RPF2: variants seen among roughly 807,000 people sequenced by gnomAD.
The protein encoded by RPF2 is ribosome production factor 2 homolog, also known as brix domain containing 1.
Under a neutral mutation model 38.9 loss-of-function variants are expected in RPF2, and 21 were observed. The observed-to-expected ratio is 0.54, with a 90% CI of 0.38 to 0.78. RPF2 has a LOEUF of 0.78. Among genes scored for constraint, RPF2 ranks in the 30% least tolerant of loss-of-function variants. The pLI, the probability that RPF2 is intolerant of heterozygous loss-of-function variation, is 0.00. For synonymous variants in RPF2, 121 were observed against 126.2 expected (o/e 0.96, Z 0.28); for missense variants, 314 against 358.1 (o/e 0.88, Z 0.99).
At chr6:110,990,937 A>G (rs891485733) in intron 3 of RPF2, among the ~76,000 whole-genome samples, 1 of 151,888 alleles carries the variant, frequency 6.6e-6, no homozygotes, top group Non-Finnish European at 1.5e-5. Context: ...GCACTTCCTT[A>G]CTTTCTAACA....
At chr6:111,010,783 G>A (rs1771999426) in intron 7 of RPF2, among the ~76,000 whole-genome samples, 1 of 152,036 alleles carries the variant, frequency 6.6e-6, no homozygotes, top group Non-Finnish European at 1.5e-5. Flanking sequence ...CAAAAAAACT[G>A]TGACAAATAC....
In RPF2 at chr6:110,991,398, CT is replaced by C. The variant is rs35689923; in HGVS notation, c.195-333del. On this transcript the variant is annotated intron_variant, in intron 3 of 9. Coordinates refer to ENST00000441448, the MANE Select transcript of RPF2 (RefSeq NM_032194.3). ...AAGCCACTGTGCTCGGCGCCCCCTG[CT>C]TTTTTTTTTTTTTTTAACACACTTT... 7.1e-3 allele frequency among the ~76,000 whole-genome samples: 966 copies of C among 135,434 alleles called. 4 individuals are homozygous for C. Among genetic ancestry groups the C allele is most frequent in the South Asian group, 0.033 (142 of 4,276 alleles). The allele number at this position is 135,434 out of a possible 152,430, so 88.8% of individuals were successfully genotyped here.
chr6:111,008,196 C>A, intron 7 of RPF2, 59 bp downstream of exon 7: 1 of 1,488,442 alleles, frequency 6.7e-7, no homozygotes, highest in Non-Finnish European at 8.9e-7. Context: ...CTCAGACTCT[C>A]ACTGGTGGCA....
intron 8 of RPF2, among the ~76,000 whole-genome samples, chr6:111,016,438 A>C (rs182408701): frequency 7.2e-5 from 11 of 152,196 alleles, no homozygotes; most frequent in Non-Finnish European, 1.0e-4. Flanking sequence ...ACTAAAAAAA[A>C]CCAGAAAAAT....
At chr6:111,008,202 TGGC>T (rs1771950755) in intron 7 of RPF2, 65 bp downstream of exon 7, 2 of 1,483,794 alleles carry the variant, frequency 1.3e-6, no homozygotes, top group Admixed American at 5.1e-5. Context: ...CTCTCACTGG[TGGC>T]ACTTTGCTAC....
At chr6:111,002,579 C>T (rs1369899410) in intron 6 of RPF2, among the ~76,000 whole-genome samples, 6 of 152,088 alleles carry the variant, frequency 3.9e-5, no homozygotes, top group Non-Finnish European at 8.8e-5. Context: ...GCGATCCTCC[C>T]GCCTTGGCCT....
rs547626079 is a variant in RPF2 at position 111,020,952 on chromosome 6, G to A, written c.597-3231G>A. 3.3e-5 allele frequency among the ~76,000 whole-genome samples: 5 copies of A among 152,240 alleles called. No individual in the cohort carries two copies. The East Asian group carries it at 5.8e-4, about 18-fold the overall frequency. On this transcript the variant is annotated intron_variant, in intron 8 of 9. Transcript: ENST00000441448. ...TGGGAGACTGAGGTGGGCAGATCAC[G>A]AGGTCAGGAGATCGAGACCATCCTG...
intron 8 of RPF2, among the ~76,000 whole-genome samples, chr6:111,017,332 G>C (rs1406432250): frequency 6.6e-6 from 1 of 151,188 alleles, no homozygotes; most frequent in Non-Finnish European, 1.5e-5. Context: ...CTCCCGGATG[G>C]GGCGGCTGGC....
chr6:110,997,279 C>T lies in RPF2; in HGVS notation c.316+15C>T. On this transcript the variant is annotated intron_variant, in intron 5 of 9. Coordinates refer to ENST00000441448, the MANE Select transcript of RPF2 (RefSeq NM_032194.3). ...TCTAGTAATAGGTAAGTATAATTTACTTTTTAATGTTTTCACTGATAGAGT... is the reference window on the plus strand; with the variant it reads ...TCTAGTAATAGGTAAGTATAATTTATTTTTTAATGTTTTCACTGATAGAGT... 3 of 1,474,380 alleles carry T rather than the reference C, an allele frequency of 2.0e-6. No individual in the cohort carries two copies. Among genetic ancestry groups the T allele is most frequent in the South Asian group, 1.2e-5 (1 of 86,460 alleles). The allele number at this position is 1,474,380 out of a possible 1,614,324, so 91.3% of individuals were successfully genotyped here.
chr6:110,995,046 A>C (rs1038095599), intron 4 of RPF2, among the ~76,000 whole-genome samples: 1 of 151,820 alleles, frequency 6.6e-6, no homozygotes, highest in Non-Finnish European at 1.5e-5. Context: ...CTGGGACCAC[A>C]GGTGTATACC....
intron 7 of RPF2, among the ~76,000 whole-genome samples, 163 bp from the exon 8 acceptor site, chr6:111,015,591 G>A (rs565683700): frequency 6.6e-6 from 1 of 152,302 alleles, no homozygotes; most frequent in South Asian, 2.1e-4. Context: ...AAAGTCATGA[G>A]ATTAAATGCT....
chr6:110,990,574 A>G (rs56147411), intron 3 of RPF2, among the ~76,000 whole-genome samples: 100 of 19,922 alleles, frequency 5.0e-3, no homozygotes, highest in African/African-American at 0.01. Context: ...CCCCCCCCCC[A>G]CCTTTTCTTT....
At chr6:111,020,112 G>T (rs546246513) in intron 8 of RPF2, among the ~76,000 whole-genome samples, 61 of 152,168 alleles carry the variant, frequency 4.0e-4, no homozygotes, top group African/African-American at 1.4e-3. Context: ...TAGAGACAGG[G>T]TTTCACCATG....
intron 8 of RPF2, among the ~76,000 whole-genome samples, chr6:111,020,418 G>C (rs1167721494): frequency 6.6e-6 from 1 of 152,292 alleles, no homozygotes; most frequent in East Asian, 1.9e-4. Context: ...TTGACAGTAA[G>C]AAATGAGTGG....
intron 6 of RPF2, among the ~76,000 whole-genome samples, chr6:111,006,338 G>A (rs972976935): frequency 6.6e-6 from 1 of 151,742 alleles, no homozygotes; most frequent in African/African-American, 2.4e-5. Flanking sequence ...GGGTTCAAAC[G>A]ATTATCCTAC....
intron 4 of RPF2, among the ~76,000 whole-genome samples, chr6:110,996,264 C>T (rs1427453413): frequency 6.6e-6 from 1 of 151,926 alleles, no homozygotes; most frequent in Non-Finnish European, 1.5e-5. Flanking sequence ...CTGCAACCTC[C>T]GCCTCCCAAG....
At chr6:111,005,882 G>C (rs1283147728) in intron 6 of RPF2, among the ~76,000 whole-genome samples, 3 of 152,174 alleles carry the variant, frequency 2.0e-5, no homozygotes, top group Admixed American at 6.5e-5. Context: ...CGCTATCTCA[G>C]CTCACTGCAA....
At chr6:111,014,351 C>T (rs1286900158) in intron 7 of RPF2, among the ~76,000 whole-genome samples, 1 of 152,074 alleles carries the variant, frequency 6.6e-6, no homozygotes, top group Non-Finnish European at 1.5e-5. Context: ...CCCCTATGGT[C>T]TTGATCTCCT....
rs1467424528 is a variant in RPF2 at position 110,982,414 on chromosome 6, A to AT, written c.23+286dup. 2.3e-5 allele frequency: 12 copies of AT among 531,460 alleles called. No homozygotes were observed. In the East Asian group the frequency reaches 3.3e-4, roughly 15 times the overall value. The allele number at this position is 531,460 out of a possible 1,614,324, so 32.9% of individuals were successfully genotyped here. The stretch of plus-strand genomic sequence containing the variant: ...GTCTGACTTCCGAAGTATGAGACAG[A>AT]TGGTATAGTGGGGTTAGGAGCACAG... On this transcript the variant is annotated intron_variant, in intron 1 of 9. Coordinates refer to ENST00000441448, the MANE Select transcript of RPF2 (RefSeq NM_032194.3).
Sources: allele counts gnomAD v4.1 joint callset (sites outside exome capture counted in the v4.1 genomes callset), GRCh38; gene constraint gnomAD v4.1.1; transcripts MANE v1.5; gene names NCBI Gene and HGNC (gene_info 2026-07-23, HGNC 2026-07-21).